Variants in SHOC2 observed in about 807,000 individuals in gnomAD.
The protein encoded by SHOC2 is leucine-rich repeat protein SHOC-2.
A neutral mutation model predicts 50.2 loss-of-function variants in SHOC2; 4 were observed. The ratio of observed to expected loss-of-function variants is 0.08; its 90% confidence interval spans 0.04 to 0.18. SHOC2 has a LOEUF of 0.18. Among genes scored for constraint, SHOC2 ranks in the 10% least tolerant of loss-of-function variants. SHOC2 has a pLI of 1.00. For missense variants in SHOC2, 388 were observed against 669.6 expected (o/e 0.58, Z 4.64); for synonymous variants, 218 against 244.5 (o/e 0.89, Z 1.01).
chr10:110,963,530 T>C (rs571623659), intron 1 of SHOC2, among the ~76,000 whole-genome samples: 80 of 152,316 alleles, frequency 5.3e-4, no homozygotes, highest in African/African-American at 1.9e-3. Flanking sequence ...GACTGCTCTC[T>C]CTTCTATCGT....
chr10:110,941,063 C>T (rs2094544395), intron 1 of SHOC2, among the ~76,000 whole-genome samples: 1 of 151,588 alleles, frequency 6.6e-6, no homozygotes, highest in Non-Finnish European at 1.5e-5. Flanking sequence ...TCCCAAGTAG[C>T]TGAGACAACA....
chr10:110,995,082 A>AT (rs889591825), intron 3 of SHOC2, among the ~76,000 whole-genome samples: 5 of 152,306 alleles, frequency 3.3e-5, no homozygotes, highest in South Asian at 2.1e-4. Context: ...CTTTCATATA[A>AT]TTTTTTGTAT....
At chr10:110,962,706 A>G (rs1847595098) in intron 1 of SHOC2, among the ~76,000 whole-genome samples, 1 of 152,104 alleles carries the variant, frequency 6.6e-6, no homozygotes. Context: ...TCCACTCCCT[A>G]TTCTAGGCAA....
chr10:111,004,214 T>G (rs1848430030), intron 4 of SHOC2, among the ~76,000 whole-genome samples: 1 of 152,218 alleles, frequency 6.6e-6, no homozygotes, highest in Non-Finnish European at 1.5e-5. Context: ...GAGACAGGGC[T>G]CAGACCTGGG....
chr10:110,938,851 T>C (rs1847082187), intron 1 of SHOC2, among the ~76,000 whole-genome samples: 1 of 152,184 alleles, frequency 6.6e-6, no homozygotes, highest in Non-Finnish European at 1.5e-5. Flanking sequence ...GTCAGTTGCT[T>C]TTTAATAGGG....
chr10:110,969,396 A>G (rs1847735238), intron 2 of SHOC2, among the ~76,000 whole-genome samples: 1 of 152,222 alleles, frequency 6.6e-6, no homozygotes, highest in African/African-American at 2.4e-5. Context: ...AGTTTCTTGT[A>G]AAAGATGTGC....
At chr10:110,981,868 T>TA (rs1440604047) in intron 2 of SHOC2, among the ~76,000 whole-genome samples, 23 of 956 alleles carry the variant, frequency 0.024, no homozygotes, top group South Asian at 0.25. Context: ...ATTTATTTAT[T>TA]TATTTTTTTA....
chr10:111,004,794 G>C lies in SHOC2; in HGVS notation c.1161G>C (p.Lys387Asn). 6.3e-7 allele frequency: 1 copy of C among 1,590,526 alleles called. No homozygotes were observed. Among genetic ancestry groups the C allele is most frequent in the African/African-American group, 1.3e-5 (1 of 74,536 alleles). ...RAKVLSKLNM[K>N]DNQLTSLPLD... ...AAGTATTAAGTAAGCTGAATATGAA[G>C]GTAAGCATATATTTGTTTACTAGGG... The change falls in exon 5 of 9, where the codon AAG (lysine) becomes AAC (asparagine). Residue 387 changes from lysine to asparagine, a missense_variant and splice_region_variant. By Grantham distance (94) the Lys-to-Asn change is moderately conservative (BLOSUM62 0). This residue lies in a region of SHOC2 where 48 missense variants were observed against 151.6 expected (regional missense o/e 0.32). Coordinates refer to ENST00000369452, the MANE Select transcript of SHOC2 (RefSeq NM_007373.4).
At chr10:110,988,178 C>T (rs1050246906) in intron 3 of SHOC2, among the ~76,000 whole-genome samples, 7 of 152,066 alleles carry the variant, frequency 4.6e-5, no homozygotes, top group Non-Finnish European at 1.5e-5. Context: ...AATAAATTCA[C>T]ATGTAATGTT....
chr10:110,983,874 G>C (rs1051649956), intron 2 of SHOC2, among the ~76,000 whole-genome samples: 1 of 152,086 alleles, frequency 6.6e-6, no homozygotes, highest in Non-Finnish European at 1.5e-5. Context: ...ATAATACTCC[G>C]TTATATAAAC....
intron 1 of SHOC2, among the ~76,000 whole-genome samples, chr10:110,925,332 T>G (rs1846745642): frequency 6.6e-6 from 1 of 152,232 alleles, no homozygotes; most frequent in Admixed American, 6.5e-5. Context: ...GCTTTGTAAT[T>G]GTCTTGTATG....
chr10:110,979,847 C>T (rs2134140584), intron 2 of SHOC2, among the ~76,000 whole-genome samples: 1 of 151,034 alleles, frequency 6.6e-6, no homozygotes, highest in East Asian at 2.0e-4. Context: ...CTTATCTTCT[C>T]TATCAACCCA....
chr10:111,001,401 C>G (rs1406770455), intron 4 of SHOC2, among the ~76,000 whole-genome samples: 1 of 152,120 alleles, frequency 6.6e-6, no homozygotes, highest in Admixed American at 6.5e-5. Context: ...GTGGTCCACC[C>G]TCCTCGGCCT....
intron 1 of SHOC2, chr10:110,936,982 C>T (rs777534649): frequency 1.4e-6 from 2 of 1,460,116 alleles, no homozygotes; most frequent in Non-Finnish European, 9.6e-7. Context: ...GCATACTTCG[C>T]ACAGTCAGCC....
intron 1 of SHOC2, among the ~76,000 whole-genome samples, chr10:110,948,006 A>G (rs1399362079): frequency 6.6e-6 from 1 of 152,174 alleles, no homozygotes; most frequent in African/African-American, 2.4e-5. Context: ...AAGGACACAC[A>G]TAGGCTGAAA....
At chr10:110,959,402 G>A (rs1847530411) in intron 1 of SHOC2, among the ~76,000 whole-genome samples, 1 of 152,210 alleles carries the variant, frequency 6.6e-6, no homozygotes, top group African/African-American at 2.4e-5. Context: ...GTATTTGAAG[G>A]TTGTACAGTA....
rs564038468 is a variant in SHOC2, at chr10:110,943,981, C to T, written c.-234-20144C>T. ...CAGATCGTCTTTTGCCCCAACTTTG[C>T]CCCAAGTGGCTGTGGATTGGATTTG... On this transcript the variant is annotated intron_variant, in intron 1 of 8. Transcript: ENST00000369452. 2.0e-5 allele frequency among the ~76,000 whole-genome samples: 3 copies of T among 152,310 alleles called. No homozygotes were observed. The East Asian group carries it at 5.8e-4, about 29-fold the overall frequency.
chr10:111,002,639 A>T (rs1848399463), intron 4 of SHOC2, among the ~76,000 whole-genome samples: 1 of 152,194 alleles, frequency 6.6e-6, no homozygotes, highest in Non-Finnish European at 1.5e-5. Flanking sequence ...AAGAGAGGTT[A>T]TATTTTTGGC....
At chr10:110,965,694 A>T (rs2134122821) in intron 2 of SHOC2, among the ~76,000 whole-genome samples, 1 of 152,314 alleles carries the variant, frequency 6.6e-6, no homozygotes, top group South Asian at 2.1e-4. Context: ...CCAGTCTTTC[A>T]CATAAAGCTA....
Sources: allele counts gnomAD v4.1 joint callset (sites outside exome capture counted in the v4.1 genomes callset), GRCh38; gene constraint gnomAD v4.1.1; regional missense constraint gnomAD v4.1.1; transcripts MANE v1.5; gene names NCBI Gene and HGNC (gene_info 2026-07-23, HGNC 2026-07-21).